Variants in CADPS observed in about 807,000 individuals in gnomAD.
The protein encoded by CADPS is calcium dependent secretion activator.
A neutral mutation model predicts 167.3 loss-of-function variants in CADPS; 57 were observed. The observed-to-expected ratio is 0.34, with a 90% CI of 0.28 to 0.42. CADPS has a LOEUF of 0.42. Ranked by LOEUF, CADPS falls within the 20% of genes least tolerant of loss-of-function variation. CADPS has a pLI of 1.00. For synonymous variants in CADPS, 676 were observed against 635.3 expected (o/e 1.06, Z -0.96); for missense variants, 1,414 against 1,738.1 (o/e 0.81, Z 3.32).
In CADPS at chr3:62,645,840, C is replaced by T. The variant is rs768439289; in HGVS notation, c.1207G>A (p.Val403Ile). 2 of 1,613,994 alleles carry T rather than the reference C, an allele frequency of 1.2e-6. No individual in the cohort carries two copies. Among genetic ancestry groups the T allele is most frequent in the East Asian group, 2.2e-5 (1 of 44,858 alleles). The change falls in exon 6 of 30, where the codon GTA (valine) becomes ATA (isoleucine). Residue 403 changes from valine (V) to isoleucine (I), a missense_variant. Coordinates refer to ENST00000383710, the MANE Select transcript of CADPS (RefSeq NM_003716.4). ...DVVLSFSLEV[V>I]IMEVQGLKSL... ...TTGAGGCCTTGGACTTCCATAATTA[C>T]CACCTGAAAAGAGAATTCCACATAA...
intron 1 of CADPS, among the ~76,000 whole-genome samples, chr3:62,850,984 ATAGT>A (rs2078447385): frequency 6.8e-6 from 1 of 147,858 alleles, no homozygotes; most frequent in Non-Finnish European, 1.5e-5. Context: ...TATATTTAGG[ATAGT>A]TAGCTCCTCT....
At chr3:62,606,135 C>T (rs75694355) in intron 6 of CADPS, among the ~76,000 whole-genome samples, 9,964 of 152,186 alleles carry the variant, frequency 0.065, 1,057 homozygotes, top group African/African-American at 0.23. Context: ...CTCTCCTGCC[C>T]TCTCTAAGAG....
chr3:62,580,195 A>C (rs1436182254), intron 8 of CADPS, among the ~76,000 whole-genome samples: 1 of 152,216 alleles, frequency 6.6e-6, no homozygotes, highest in African/African-American at 2.4e-5. Context: ...CCAAATGTCC[A>C]ACAATGATAG....
chr3:62,578,643 C>T (rs1022924075), intron 8 of CADPS, among the ~76,000 whole-genome samples: 1 of 141,798 alleles, frequency 7.1e-6, no homozygotes, highest in Admixed American at 7.1e-5. Flanking sequence ...ACTTAACAAT[C>T]TTAAATGCTT....
intron 28 of CADPS, among the ~76,000 whole-genome samples, chr3:62,411,879 G>A (rs1256936269): frequency 6.6e-6 from 1 of 152,230 alleles, no homozygotes; most frequent in African/African-American, 2.4e-5. Flanking sequence ...ATGCGTTCAA[G>A]AACCAGTATG....
At chr3:62,508,807 T>A (rs1362490146) in intron 17 of CADPS, among the ~76,000 whole-genome samples, 2 of 152,178 alleles carry the variant, frequency 1.3e-5, no homozygotes, top group African/African-American at 4.8e-5. Flanking sequence ...TTTTTTCTGA[T>A]AGAAGAGAGA....
intron 2 of CADPS, among the ~76,000 whole-genome samples, chr3:62,761,033 G>A (rs535926586): frequency 2.0e-5 from 3 of 152,252 alleles, no homozygotes; most frequent in East Asian, 1.9e-4. Flanking sequence ...TTCACATTCC[G>A]AGTGGGTTGG....
chr3:62,767,105 G>A (rs1000510956), intron 1 of CADPS, among the ~76,000 whole-genome samples: 6 of 151,984 alleles, frequency 3.9e-5, no homozygotes, highest in African/African-American at 1.2e-4. Flanking sequence ...CCAAAACTTT[G>A]CTGTTTTAAA....
chr3:62,559,948 CTAT>C (rs1264774129), intron 9 of CADPS, among the ~76,000 whole-genome samples: 1 of 151,256 alleles, frequency 6.6e-6, no homozygotes, highest in Non-Finnish European at 1.5e-5. Flanking sequence ...TATGCATTTA[CTAT>C]TACTACATGG....
At chr3:62,662,231 C>T in intron 4 of CADPS, 83 bp downstream of exon 4, 2 of 1,166,646 alleles carry the variant, frequency 1.7e-6, no homozygotes, top group East Asian at 2.3e-5. Context: ...CAGCTTTATC[C>T]TTTAGAGGCT....
At chr3:62,831,963 C>T (rs750826850) in intron 1 of CADPS, among the ~76,000 whole-genome samples, 2 of 152,158 alleles carry the variant, frequency 1.3e-5, no homozygotes, top group African/African-American at 4.8e-5. Flanking sequence ...AGTATCAAAG[C>T]TAATTTTTGA....
Position 62,653,932 on chromosome 3 carries a change from G to A in CADPS, c.970-2852C>T, listed in dbSNP as rs780663820. ...TCACTGTGTGGTGCTTTCTAAACAC[G>A]CTGTGCATGAATGTGAGGGAAAGAG... On this transcript the variant is annotated intron_variant, in intron 4 of 29. Coordinates refer to ENST00000383710, the MANE Select transcript of CADPS (RefSeq NM_003716.4). Among the ~76,000 whole-genome samples, 7 of 152,222 alleles carry A rather than the reference G, an allele frequency of 4.6e-5. No homozygotes were observed. In the South Asian group the frequency reaches 6.2e-4, roughly 14 times the overall value.
In CADPS at chr3:62,772,687, A is replaced by G. The variant is rs558775270; in HGVS notation, c.442-6703T>C. 3.9e-5 allele frequency among the ~76,000 whole-genome samples: 6 copies of G among 152,312 alleles called. No homozygotes were observed. The East Asian group carries it at 9.7e-4, about 25-fold the overall frequency. ...TTACTGGCAGCCAGATGCATTCCTA[A>G]TGGATACACTTGGTTTACAATAGTC... On this transcript the variant is annotated intron_variant, in intron 1 of 29. Transcript: ENST00000383710.
chr3:62,494,056 T>C (rs538310312), intron 18 of CADPS, among the ~76,000 whole-genome samples: 1 of 152,216 alleles, frequency 6.6e-6, no homozygotes, highest in Non-Finnish European at 1.5e-5. Flanking sequence ...AAAAAGGGTA[T>C]TGGATTCCTC....
chr3:62,795,382 T>A (rs2093336336), intron 1 of CADPS, among the ~76,000 whole-genome samples: 6 of 152,160 alleles, frequency 3.9e-5, no homozygotes. Context: ...GCCCTAGATG[T>A]AAGCTCCATG....
At chr3:62,612,884 C>T (rs573945577) in intron 6 of CADPS, among the ~76,000 whole-genome samples, 24 of 152,282 alleles carry the variant, frequency 1.6e-4, no homozygotes, top group Non-Finnish European at 2.5e-4. Context: ...CTGTTCTGGG[C>T]GCTGGCAAGA....
chr3:62,501,215 T>C (rs1189573348), intron 17 of CADPS, among the ~76,000 whole-genome samples: 1 of 152,170 alleles, frequency 6.6e-6, no homozygotes, highest in Non-Finnish European at 1.5e-5. Flanking sequence ...GCCCATTGCC[T>C]GGTCTAGAGC....
chr3:62,498,497 G>C (rs1021521322), intron 18 of CADPS, among the ~76,000 whole-genome samples: 2 of 151,994 alleles, frequency 1.3e-5, no homozygotes, highest in Non-Finnish European at 2.9e-5. Context: ...GAATTTTTTT[G>C]GAAGTGTTAG....
intron 1 of CADPS, among the ~76,000 whole-genome samples, chr3:62,821,236 CTTA>C (rs902114352): frequency 1.3e-5 from 2 of 152,168 alleles, no homozygotes; most frequent in African/African-American, 4.8e-5. Flanking sequence ...TAAAACACCA[CTTA>C]TTATACTCAT....
Sources: allele counts gnomAD v4.1 joint callset (sites outside exome capture counted in the v4.1 genomes callset), GRCh38; gene constraint gnomAD v4.1.1; transcripts MANE v1.5; gene names NCBI Gene and HGNC (gene_info 2026-07-23, HGNC 2026-07-21).